The following EXT1 variants were observed in gnomAD, a reference collection of about 807,000 sequenced individuals.
The protein encoded by EXT1 is exostosin glycosyltransferase 1, also known as exostosin-1.
In EXT1, 20 loss-of-function variants were observed where a neutral mutation model predicts 82.5. The ratio of observed to expected loss-of-function variants is 0.24; its 90% CI spans 0.17 to 0.35. The LOEUF is 0.35. Ranked by LOEUF, EXT1 falls within the 10% of genes least tolerant of loss-of-function variation. The pLI, the probability that EXT1 is intolerant of heterozygous loss-of-function variation, is 1.00. For synonymous variants in EXT1, 348 were observed against 350.8 expected, an observed-to-expected ratio of 0.99 and a Z score of 0.09; for missense variants, 757 against 936.5, an observed-to-expected ratio of 0.81 and a Z score of 2.50.
At chr8:117,932,079 C>T (rs150919060) in intron 1 of EXT1, among the ~76,000 whole-genome samples, 197 of 152,274 alleles carry the variant, frequency 1.3e-3, no homozygotes, top group African/African-American at 3.5e-3. Context: ...TTCGAAATTA[C>T]GTAGTTTTAC....
At chr8:117,842,807 T>C (rs1204497037) in intron 1 of EXT1, among the ~76,000 whole-genome samples, 1 of 152,252 alleles carries the variant, frequency 6.6e-6, no homozygotes, top group East Asian at 1.9e-4. Flanking sequence ...ACAAGGATGT[T>C]GCTGGTGCAC....
At chr8:117,819,931 G>C in intron 5 of EXT1, 137 bp from the exon 6 acceptor site, 2 of 809,572 alleles carry the variant, frequency 2.5e-6, no homozygotes, top group South Asian at 1.7e-5. Context: ...CTTATGTCCT[G>C]ACAGGACAGA....
At position 118,054,993 on chromosome 8, in the gene EXT1, G is replaced by T. The variant is rs561123540; in HGVS notation, c.962+55092C>A. ...ATATAAATTTTTTAACAGCTTTATG[G>T]AGCTATAATTGATATGCGATAAATT... On this transcript the variant is annotated intron_variant, in intron 1 of 10. Transcript: ENST00000378204. 4.0e-5 allele frequency among the ~76,000 whole-genome samples: 6 copies of T among 151,654 alleles called. No individual in the cohort carries two copies. In the East Asian group the frequency reaches 1.2e-3, roughly 29 times the overall value.
At chr8:117,804,600 C>T in intron 10 of EXT1, 122 bp downstream of exon 10, 7 of 1,060,576 alleles carry the variant, frequency 6.6e-6, no homozygotes, top group East Asian at 2.4e-5. Context: ...AGATGTAGTT[C>T]ATTCCTGGTT....
intron 1 of EXT1, among the ~76,000 whole-genome samples, chr8:118,109,510 T>TC (rs1817855475): frequency 6.6e-6 from 1 of 152,032 alleles, no homozygotes; most frequent in African/African-American, 2.4e-5. Context: ...TTCATAAAAG[T>TC]CAATGCCACG....
chr8:118,109,828 C>G (rs940100287), intron 1 of EXT1, among the ~76,000 whole-genome samples: 15 of 152,122 alleles, frequency 9.9e-5, no homozygotes, highest in African/African-American at 3.6e-4. Flanking sequence ...CTGCAGGTTT[C>G]CTAAGCAAGA....
rs139006209 is a variant in EXT1, at chr8:117,899,924, T to C, written c.963-62723A>G. ...GATCTAAACTCAAACTGTAGTTACA[T>C]GAGCAAAAGAGCCCCCTGATGAGCT... On this transcript the variant is annotated intron_variant, in intron 1 of 10. Coordinates refer to ENST00000378204, the MANE Select transcript of EXT1 (RefSeq NM_000127.3). 1.6e-3 allele frequency among the ~76,000 whole-genome samples: 251 copies of C among 152,306 alleles called. 2 individuals carry two copies. The highest frequency in any genetic ancestry group is 5.9e-3 in the African/African-American group (244 of 41,576).
chr8:118,101,871 A>G (rs4876400), intron 1 of EXT1, among the ~76,000 whole-genome samples: 80,226 of 151,754 alleles, frequency 0.53, 23,146 homozygotes, highest in Middle Eastern at 0.67. Flanking sequence ...GAAGTTCTAT[A>G]TTGTGTTTTG....
At chr8:117,850,331 T>C (rs1450546737) in intron 1 of EXT1, among the ~76,000 whole-genome samples, 2 of 152,206 alleles carry the variant, frequency 1.3e-5, no homozygotes, top group Admixed American at 1.3e-4. Context: ...TGCAGTCTCT[T>C]TGGAAGGATG....
intron 1 of EXT1, among the ~76,000 whole-genome samples, chr8:117,921,457 GA>G (rs929133145): frequency 1.3e-5 from 2 of 152,182 alleles, no homozygotes; most frequent in African/African-American, 4.8e-5. Context: ...ACATTGCCTA[GA>G]AATCTCTAAC....
intron 1 of EXT1, among the ~76,000 whole-genome samples, chr8:117,857,211 T>A (rs1812580011): frequency 6.6e-6 from 1 of 152,186 alleles, no homozygotes; most frequent in South Asian, 2.1e-4. Context: ...AAGATTAATG[T>A]TGTTTTCATG....
At chr8:117,890,274 A>T (rs1813220113) in intron 1 of EXT1, among the ~76,000 whole-genome samples, 1 of 152,256 alleles carries the variant, frequency 6.6e-6, no homozygotes, top group East Asian at 1.9e-4. Flanking sequence ...AGTCAATAGT[A>T]GTGGTCCTCA....
intron 1 of EXT1, among the ~76,000 whole-genome samples, chr8:117,960,369 T>C (rs1814675927): frequency 2.0e-5 from 3 of 152,150 alleles, no homozygotes; most frequent in African/African-American, 7.2e-5. Context: ...TCCCCAACAT[T>C]TTAACTCCAC....
intron 1 of EXT1, among the ~76,000 whole-genome samples, chr8:118,060,279 T>C (rs910129481): frequency 6.6e-6 from 1 of 152,222 alleles, no homozygotes; most frequent in Non-Finnish European, 1.5e-5. Flanking sequence ...ATTGGGTTCT[T>C]GCAAGCTGAT....
chr8:117,869,103 C>A (rs1040794158), intron 1 of EXT1, among the ~76,000 whole-genome samples: 2 of 152,188 alleles, frequency 1.3e-5, no homozygotes, highest in Non-Finnish European at 2.9e-5. Context: ...CCCACAGGCC[C>A]CCACCCAGTG....
chr8:118,108,461 T>C (rs1283120125), intron 1 of EXT1, among the ~76,000 whole-genome samples: 1 of 152,186 alleles, frequency 6.6e-6, no homozygotes, highest in Non-Finnish European at 1.5e-5. Flanking sequence ...AATAGGTCAA[T>C]GTAAATGTCG....
intron 3 of EXT1, among the ~76,000 whole-genome samples, chr8:117,833,961 A>C (rs550444910): frequency 6.6e-6 from 1 of 152,332 alleles, no homozygotes; most frequent in African/African-American, 2.4e-5. Flanking sequence ...CTTTTCCTTA[A>C]GGAATCACAG....
intron 1 of EXT1, among the ~76,000 whole-genome samples, chr8:118,019,754 G>T (rs1169732583): frequency 6.6e-6 from 1 of 152,146 alleles, no homozygotes; most frequent in Admixed American, 6.5e-5. Context: ...TTTTATTGTT[G>T]GAGGAACTGA....
Position 117,963,178 on chromosome 8 carries a change from G to A in EXT1, c.963-125977C>T, listed in dbSNP as rs544946511. Among the ~76,000 whole-genome samples, 35 of 152,298 alleles carry A rather than the reference G, an allele frequency of 2.3e-4. No homozygotes were observed. In the South Asian group the frequency reaches 6.8e-3, roughly 30 times the overall value. The stretch of plus-strand genomic sequence containing the variant: ...GTTTCAGGTTAAATGAAGGTTACCA[G>A]TGGAGGTCGTTAGGGCAGGTGTTAA... On this transcript the variant is annotated intron_variant, in intron 1 of 10. Transcript: ENST00000378204.
Sources: gnomAD v4.1 joint callset for allele counts (sites outside exome capture counted in the v4.1 genomes callset) on GRCh38, gnomAD v4.1.1 for gene constraint, MANE v1.5 for transcripts, NCBI Gene and HGNC (gene_info 2026-07-23, HGNC 2026-07-21) for gene names.